The following AUTS2 variants were observed in gnomAD, a reference collection of about 807,000 sequenced individuals.
AUTS2 encodes the protein activator of transcription and developmental regulator AUTS2, also known as autism susceptibility gene 2 protein.
A neutral mutation model predicts 112.4 loss-of-function variants in AUTS2; 17 were observed. That is an observed-to-expected ratio of 0.15 (90% confidence interval 0.10 to 0.23). AUTS2 has a LOEUF of 0.23. Among genes scored for constraint, AUTS2 ranks in the 10% least tolerant of loss-of-function variants. The pLI is 1.00. For synonymous variants in AUTS2, 751 were observed against 702.7 expected (o/e 1.07, Z -1.09); for missense variants, 1,510 against 1,701.6 (o/e 0.89, Z 1.98).
chr7:69,900,539 T>C (rs1031741493), intron 2 of AUTS2, among the ~76,000 whole-genome samples: 2 of 152,320 alleles, frequency 1.3e-5, no homozygotes, highest in East Asian at 1.9e-4. Flanking sequence ...CCTAATGACA[T>C]TTGTAGTTTT....
chr7:70,041,108 C>T (rs964334732), intron 2 of AUTS2, among the ~76,000 whole-genome samples: 2 of 152,102 alleles, frequency 1.3e-5, no homozygotes, highest in African/African-American at 2.4e-5. Flanking sequence ...AAATTAGCTT[C>T]CTCTAGTGAT....
At chr7:70,745,580 T>A (rs1210151175) in intron 6 of AUTS2, among the ~76,000 whole-genome samples, 1 of 152,218 alleles carries the variant, frequency 6.6e-6, no homozygotes, top group Non-Finnish European at 1.5e-5. Flanking sequence ...TTTGTCCTCA[T>A]AAAGAGTGTT....
intron 1 of AUTS2, among the ~76,000 whole-genome samples, chr7:69,704,181 T>C (rs867466887): frequency 6.6e-6 from 1 of 152,322 alleles, no homozygotes. Flanking sequence ...AACTGGGTTC[T>C]AAAAACCTTC....
chr7:69,706,413 ACT>A, intron 1 of AUTS2, among the ~76,000 whole-genome samples: 1 of 151,944 alleles, frequency 6.6e-6, no homozygotes, highest in South Asian at 2.1e-4. Context: ...AGAAGTAAGG[ACT>A]CTATCTTTGT....
At chr7:69,935,983 A>C (rs1796394444) in intron 2 of AUTS2, among the ~76,000 whole-genome samples, 1 of 152,218 alleles carries the variant, frequency 6.6e-6, no homozygotes, top group Non-Finnish European at 1.5e-5. Context: ...GCCATTTACC[A>C]AGAGCATATC....
chr7:70,295,857 A>G (rs939965738), intron 4 of AUTS2, among the ~76,000 whole-genome samples: 5 of 152,188 alleles, frequency 3.3e-5, no homozygotes, highest in African/African-American at 1.2e-4. Flanking sequence ...CATAGTATAG[A>G]TTTGAAGAGT....
intron 4 of AUTS2, among the ~76,000 whole-genome samples, chr7:70,355,122 G>A (rs1032038493): frequency 1.3e-5 from 2 of 151,718 alleles, no homozygotes; most frequent in South Asian, 2.1e-4. Context: ...GTGTGTGTGT[G>A]TGTATATATA....
chr7:69,970,384 T>A lies in AUTS2; in HGVS notation c.522+70886T>A, dbSNP rs181802129. The stretch of plus-strand genomic sequence containing the variant: ...TAATTGGTTAGGTAGATATCTGTCC[T>A]GAAGTTCAACAGATTCCTCAAATGC... On this transcript the variant is annotated intron_variant, in intron 2 of 18. Coordinates refer to ENST00000342771, the MANE Select transcript of AUTS2 (RefSeq NM_015570.4). Among the ~76,000 whole-genome samples, 440 of 152,340 alleles carry A rather than the reference T, an allele frequency of 2.9e-3. 2 individuals carry two copies. The highest frequency in any genetic ancestry group is 4.6e-3 in the Non-Finnish European group (314 of 68,034).
At chr7:69,715,587 A>G (rs1349329557) in intron 1 of AUTS2, among the ~76,000 whole-genome samples, 1 of 152,206 alleles carries the variant, frequency 6.6e-6, no homozygotes, top group African/African-American at 2.4e-5. Context: ...CTGCAGAGAC[A>G]TAGTACTTCC....
intron 5 of AUTS2, among the ~76,000 whole-genome samples, chr7:70,659,921 A>C (rs1473630362): frequency 6.6e-6 from 1 of 152,108 alleles, no homozygotes; most frequent in Non-Finnish European, 1.5e-5. Context: ...CATGCCTGTA[A>C]TCTCAGCACT....
At chr7:69,866,903 TG>T (rs778118912) in intron 1 of AUTS2, among the ~76,000 whole-genome samples, 5 of 152,230 alleles carry the variant, frequency 3.3e-5, no homozygotes, top group Admixed American at 1.3e-4. Context: ...GTTAGCCGGC[TG>T]GGGTTCAAGA....
At chr7:70,503,764 C>T (rs911033179) in intron 5 of AUTS2, among the ~76,000 whole-genome samples, 1 of 151,372 alleles carries the variant, frequency 6.6e-6, no homozygotes, top group African/African-American at 2.4e-5. Context: ...AGTGATCCTC[C>T]CACCTTGGCC....
chr7:70,467,403 G>A (rs1797208322), intron 5 of AUTS2, among the ~76,000 whole-genome samples: 1 of 152,210 alleles, frequency 6.6e-6, no homozygotes, highest in Non-Finnish European at 1.5e-5. Context: ...TCATTGGGTA[G>A]GACTGAAACT....
chr7:70,674,078 G>A (rs375359366), intron 5 of AUTS2, among the ~76,000 whole-genome samples: 1 of 152,220 alleles, frequency 6.6e-6, no homozygotes, highest in South Asian at 2.1e-4. Context: ...CCACTGGGCC[G>A]CATTACCTGG....
At chr7:69,841,945 G>A (rs921765892) in intron 1 of AUTS2, among the ~76,000 whole-genome samples, 9 of 152,150 alleles carry the variant, frequency 5.9e-5, no homozygotes, top group African/African-American at 1.9e-4. Flanking sequence ...ACTTTCACAT[G>A]GTTCCATGAG....
intron 4 of AUTS2, among the ~76,000 whole-genome samples, chr7:70,195,904 C>T (rs1473934009): frequency 6.6e-6 from 1 of 151,566 alleles, no homozygotes; most frequent in Non-Finnish European, 1.5e-5. Flanking sequence ...GATTCCTGCT[C>T]TTCCATGTTA....
chr7:70,387,961 G>A (rs1200284328), intron 4 of AUTS2, among the ~76,000 whole-genome samples: 5 of 152,162 alleles, frequency 3.3e-5, no homozygotes, highest in South Asian at 2.1e-4. Context: ...CATCCTAAAC[G>A]CCTTATCCTA....
chr7:70,398,809 G>A (rs990946765), intron 4 of AUTS2, among the ~76,000 whole-genome samples: 2 of 152,032 alleles, frequency 1.3e-5, no homozygotes, highest in African/African-American at 4.8e-5. Context: ...GCATTCAGTT[G>A]TTCACCATAA....
chr7:69,690,971 C>G lies in AUTS2; in HGVS notation c.309+91009C>G, dbSNP rs532231146. 6.3e-3 allele frequency among the ~76,000 whole-genome samples: 964 copies of G among 152,284 alleles called. 4 individuals are homozygous for G. The highest frequency in any genetic ancestry group is 1.0e-2 in the Non-Finnish European group (677 of 68,014). ...TCCCTTCCACAGCAGGTCATCCTGACGAGTTTCCAGCTGTCAGCAGAGAGG... is the reference window on the plus strand; with the variant it reads ...TCCCTTCCACAGCAGGTCATCCTGAGGAGTTTCCAGCTGTCAGCAGAGAGG... On this transcript the variant is annotated intron_variant, in intron 1 of 18. Transcript: ENST00000342771.
Sources: allele counts gnomAD v4.1 joint callset (sites outside exome capture counted in the v4.1 genomes callset), GRCh38; gene constraint gnomAD v4.1.1; transcripts MANE v1.5; gene names NCBI Gene and HGNC (gene_info 2026-07-23, HGNC 2026-07-21).